Variants in ZDHHC6 observed in about 807,000 individuals in gnomAD.
ZDHHC6 encodes palmitoyltransferase ZDHHC6.
ZDHHC6 carries 32 observed loss-of-function variants against 57.8 expected under a neutral mutation model. The observed-to-expected ratio is 0.55, with a 90% confidence interval of 0.42 to 0.74. The LOEUF (loss-of-function observed/expected upper bound fraction) is 0.74, where lower values mean the gene tolerates loss of function less well. Among genes scored for constraint, ZDHHC6 ranks in the 30% least tolerant of loss-of-function variants. The pLI is 0.00. For missense variants in ZDHHC6, 433 were observed against 500.7 expected (o/e 0.86, Z 1.29); for synonymous variants, 128 against 158.0 (o/e 0.81, Z 1.42).
chr10:112,446,324 G>A (rs1039219289), intron 1 of ZDHHC6, among the ~76,000 whole-genome samples: 2 of 152,092 alleles, frequency 1.3e-5, no homozygotes, highest in African/African-American at 2.4e-5. Flanking sequence ...ATGACCAGAA[G>A]AGTATATGAG....
At chr10:112,427,418 A>C (rs1377082604), downstream of ZDHHC6, 7 of 1,464,036 alleles carry the variant, frequency 4.8e-6, no homozygotes, top group Non-Finnish European at 6.4e-6. Context: ...AATGGATTAA[A>C]AACTATTCTT....
At chr10:112,447,482 C>T (rs779865637), upstream of ZDHHC6, 2 of 1,612,006 alleles carry the variant, frequency 1.2e-6, no homozygotes, top group East Asian at 2.2e-5. Flanking sequence ...GAGCCTTGCC[C>T]GGCTGGACGA....
chr10:112,427,692 A>G (rs1033532153), downstream of ZDHHC6: 1 of 172,934 alleles, frequency 5.8e-6, no homozygotes, highest in African/African-American at 2.4e-5. Flanking sequence ...TTCAAGGGTC[A>G]AAGGGACCCT....
chr10:112,432,633 TAGTTCCCCTTCTAGGGGAACCTCCC>T lies in ZDHHC6; in HGVS notation c.946-137_946-113del, dbSNP rs1845151498. 33 of 1,349,656 alleles carry T rather than the reference TAGTTCCCCTTCTAGGGGAACCTCCC, an allele frequency of 2.4e-5. No homozygotes were observed. The South Asian group carries it at 3.9e-4, about 16-fold the overall frequency. The allele number at this position is 1,349,656 out of a possible 1,614,324, so 83.6% of individuals were successfully genotyped here. Reference sequence around the variant, plus strand: ...CCAAAATATCCAGTGACAAGCCTTCTAGTTCCCCTTCTAGGGGAACCTCCCAGTTCCCCATCCACCTAGTTCCCTG... The same window carrying T: ...CCAAAATATCCAGTGACAAGCCTTCTAGTTCCCCATCCACCTAGTTCCCTG... On this transcript the variant is annotated intron_variant, in intron 8 of 10. Transcript: ENST00000369405.
At chr10:112,441,430 T>A (rs981237812) in intron 4 of ZDHHC6, among the ~76,000 whole-genome samples, 1 of 152,220 alleles carries the variant, frequency 6.6e-6, no homozygotes, top group African/African-American at 2.4e-5. Flanking sequence ...GAAGAACTGA[T>A]AAAATGCAGG....
At chr10:112,434,942 C>A (rs1423314486) in intron 6 of ZDHHC6, among the ~76,000 whole-genome samples, 1 of 152,158 alleles carries the variant, frequency 6.6e-6, no homozygotes, top group Non-Finnish European at 1.5e-5. Flanking sequence ...ACAGTTATAT[C>A]CTGGGTGGCA....
downstream of ZDHHC6, among the ~76,000 whole-genome samples, chr10:112,430,011 C>G (rs369647356): frequency 1.8e-4 from 27 of 152,128 alleles, no homozygotes; most frequent in East Asian, 4.2e-3. Flanking sequence ...CCCCCTAGAG[C>G]ACAAGGATGC....
At chr10:112,434,166 T>C (rs2133793601) in intron 7 of ZDHHC6, 131 bp downstream of exon 7, 1 of 872,810 alleles carries the variant, frequency 1.1e-6, no homozygotes, top group Non-Finnish European at 1.7e-6. Flanking sequence ...TTTAGAATTA[T>C]TAGATTCATT....
chr10:112,432,358 G>C lies in ZDHHC6; in HGVS notation c.1091+18C>G. The C allele has an allele frequency of 6.2e-7, 1 of 1,611,726 alleles. No individual in the cohort carries two copies. The highest frequency in any genetic ancestry group is 1.1e-5 in the South Asian group (1 of 90,290). ...ATTTTGTCCTTGAAGAAGAAATGCAGTACTTCCTATTACTTACCGTAAACC... is the reference window on the plus strand; with the variant it reads ...ATTTTGTCCTTGAAGAAGAAATGCACTACTTCCTATTACTTACCGTAAACC... On this transcript the variant is annotated intron_variant, in intron 9 of 10. Transcript: ENST00000369405.
downstream of ZDHHC6, chr10:112,428,495 A>T (rs1460286829): frequency 2.5e-6 from 1 of 398,438 alleles, no homozygotes; most frequent in Non-Finnish European, 4.4e-6. Context: ...AGAATTATCT[A>T]GGAAGTTTAA....
rs1188549068 is a variant in ZDHHC6, at chr10:112,445,190, C to G, written c.247G>C (p.Val83Leu). ...FNAMFVGPGF[V>L]PLGWKPEISQ... ...CTTACCGGTTTCCACCCCAGAGGGA[C>G]AAAGCCCGGACCGACAAACATGGCA... The change falls in exon 2 of 11, where the codon GTC becomes CTC. Residue 83 changes from valine to leucine, a missense_variant. Transcript: ENST00000369405. The G allele has an allele frequency of 1.2e-6, 2 of 1,613,252 alleles. No individual in the cohort carries two copies. The highest frequency in any genetic ancestry group is 1.7e-6 in the Non-Finnish European group (2 of 1,179,408).
At chr10:112,426,071 G>C (rs1209620148), downstream of ZDHHC6, among the ~76,000 whole-genome samples, 1 of 132,270 alleles carries the variant, frequency 7.6e-6, no homozygotes, top group Non-Finnish European at 1.6e-5. Flanking sequence ...ATGAGATATT[G>C]AGTGGGAAAA....
Position 112,441,176 on chromosome 10 carries a change from G to A in ZDHHC6, c.520-481C>T, listed in dbSNP as rs560347119. ...TTTTAATTAATATAGTAATGAGCTC[G>A]GACCGATGTGCAGGATATCATTCTT... is the stretch of plus-strand genomic sequence containing the variant. On this transcript the variant is annotated intron_variant, in intron 4 of 10. Coordinates refer to ENST00000369405, the MANE Select transcript of ZDHHC6 (RefSeq NM_022494.3). Among the ~76,000 whole-genome samples the A allele has an allele frequency of 7.2e-5, 11 of 152,226 alleles. No homozygotes were observed. In the East Asian group the frequency reaches 1.7e-3, roughly 24 times the overall value.
chr10:112,446,281 T>C (rs1346113019), intron 1 of ZDHHC6, among the ~76,000 whole-genome samples: 6 of 151,724 alleles, frequency 4.0e-5, no homozygotes, highest in Non-Finnish European at 7.4e-5. Context: ...AGGGAGGAGA[T>C]AGAGCGAGAG....
chr10:112,443,149 T>C (rs1846299924), intron 3 of ZDHHC6, among the ~76,000 whole-genome samples: 1 of 152,214 alleles, frequency 6.6e-6, no homozygotes, highest in African/African-American at 2.4e-5. Flanking sequence ...ATCTCCCTTA[T>C]AATTTAGACT....
chr10:112,447,048 G>A (rs1434511792), upstream of ZDHHC6: 5 of 314,614 alleles, frequency 1.6e-5, no homozygotes, highest in East Asian at 9.1e-5. Flanking sequence ...CACGAAGGGG[G>A]GAAAAAACGC....
At chr10:112,441,085 C>G (rs572960348) in intron 4 of ZDHHC6, among the ~76,000 whole-genome samples, 29 of 152,200 alleles carry the variant, frequency 1.9e-4, no homozygotes, top group African/African-American at 6.0e-4. Flanking sequence ...ACCTTGTGAC[C>G]CACACCGCCT....
downstream of ZDHHC6, chr10:112,426,841 C>T: frequency 6.2e-7 from 1 of 1,613,782 alleles, no homozygotes; most frequent in South Asian, 1.1e-5. Context: ...AAGAAAGTGG[C>T]CTTAAAACTT....
downstream of ZDHHC6, chr10:112,425,571 T>C (rs931417801): frequency 2.8e-6 from 3 of 1,075,684 alleles, no homozygotes; most frequent in Non-Finnish European, 2.5e-6. Context: ...GGGTTCAGAA[T>C]GAGAAGATCC....
Sources: allele counts gnomAD v4.1 joint callset (sites outside exome capture counted in the v4.1 genomes callset), GRCh38; gene constraint gnomAD v4.1.1; transcripts MANE v1.5; gene names NCBI Gene and HGNC (gene_info 2026-07-23, HGNC 2026-07-21).